Variants in PXDC1 observed in about 807,000 individuals in gnomAD.
PXDC1 encodes PX domain-containing protein 1.
Under a neutral mutation model 24.4 loss-of-function variants are expected in PXDC1, and 13 were observed. The ratio of observed to expected loss-of-function variants is 0.53; its 90% CI spans 0.35 to 0.85. The LOEUF is 0.85. Ranked by LOEUF, PXDC1 falls within the 40% of genes least tolerant of loss-of-function variation. The pLI, the probability that PXDC1 is intolerant of heterozygous loss-of-function variation, is 0.01. For synonymous variants in PXDC1, 162 were observed against 124.9 expected (o/e 1.30, Z -1.98); for missense variants, 344 against 309.3 (o/e 1.11, Z -0.84).
chr6:3,743,367 C>A (rs1760491752), intron 1 of PXDC1, among the ~76,000 whole-genome samples: 1 of 152,098 alleles, frequency 6.6e-6, no homozygotes, highest in South Asian at 2.1e-4. Context: ...CAAACTGAGT[C>A]AAACCATAAA....
At chr6:3,726,599 G>A (rs61589785) in intron 4 of PXDC1, among the ~76,000 whole-genome samples, 1,996 of 152,346 alleles carry the variant, frequency 0.013, 53 homozygotes, top group African/African-American at 0.046. Context: ...GGCCCAGGCC[G>A]CCGGCTGGGG....
rs1760419048 is a variant in PXDC1 at position 3,740,031 on chromosome 6, T to C, written c.257-1883A>G. 2.0e-5 allele frequency among the ~76,000 whole-genome samples: 3 copies of C among 152,234 alleles called. No homozygotes were observed. The South Asian group carries it at 6.2e-4, about 31-fold the overall frequency. On this transcript the variant is annotated intron_variant, in intron 1 of 4. Coordinates refer to ENST00000380283, the MANE Select transcript of PXDC1 (RefSeq NM_183373.4). The stretch of plus-strand genomic sequence containing the variant: ...ACTACTGTTATATTTCAACTTTCAT[T>C]ACAGCTAGAATACTAGCTTCCAGTT...
chr6:3,741,452 G>A (rs1316039104), intron 1 of PXDC1, among the ~76,000 whole-genome samples: 11 of 152,210 alleles, frequency 7.2e-5, no homozygotes, highest in Non-Finnish European at 1.3e-4. Context: ...TTAAGGGCAC[G>A]TCCATTATTG....
intron 1 of PXDC1, among the ~76,000 whole-genome samples, chr6:3,740,341 G>A (rs1292846438): frequency 1.3e-5 from 2 of 152,170 alleles, no homozygotes; most frequent in Non-Finnish European, 2.9e-5. Context: ...TTTTAGTATG[G>A]CCAAACTTGG....
At position 3,737,922 on chromosome 6, in the gene PXDC1, A is replaced by G; in HGVS notation, c.348+135T>C. On this transcript the variant is annotated intron_variant, in intron 2 of 4. Coordinates refer to ENST00000380283, the MANE Select transcript of PXDC1 (RefSeq NM_183373.4). The surrounding 1 kb of genome is among the most constrained non-coding windows in gnomAD (Gnocchi z 5.5). ...CACTCCGTCCCTATCGCCTGGTACT[A>G]CCAGGGAGGGAACAAAACGGCTAAG... 1 of 785,562 alleles carries G rather than the reference A, an allele frequency of 1.3e-6. No individual in the cohort carries two copies. The allele number at this position is 785,562 out of a possible 1,614,324, so 48.7% of individuals were successfully genotyped here. A position where few individuals can be genotyped will look rare whatever the true frequency, so the allele number is the denominator to read the frequency against.
chr6:3,726,666 G>C (rs567298992), intron 4 of PXDC1, among the ~76,000 whole-genome samples: 1 of 152,200 alleles, frequency 6.6e-6, no homozygotes, highest in African/African-American at 2.4e-5. Flanking sequence ...TGTGGGCCTC[G>C]GCACATGTGG....
rs1760015356 is a variant in PXDC1, at chr6:3,724,599, C to T, written c.579-863G>A. Among the ~76,000 whole-genome samples the T allele has an allele frequency of 6.6e-6, 1 of 152,164 alleles. No homozygotes were observed. The highest frequency in any genetic ancestry group is 2.1e-4 in the South Asian group (1 of 4,832). ...GAATCAGCCCAAACCCAGCAGGCCG[C>T]GTGGGAGTGTGGACAGAGGCAAGCA... On this transcript the variant is annotated intron_variant, in intron 4 of 4. Transcript: ENST00000380283. The surrounding 1 kb of genome is among the most constrained non-coding windows in gnomAD (Gnocchi z 4.5).
rs147813880 is a variant in PXDC1 at position 3,743,428 on chromosome 6, C to T, written c.257-5280G>A. On this transcript the variant is annotated intron_variant, in intron 1 of 4. Coordinates refer to ENST00000380283, the MANE Select transcript of PXDC1 (RefSeq NM_183373.4). Reference sequence around the variant, plus strand: ...TTTAACAAATGTGCCCATCAGCACACTACACAGATGCAGAGGTGAAGGGGG... The same window carrying T: ...TTTAACAAATGTGCCCATCAGCACATTACACAGATGCAGAGGTGAAGGGGG... Among the ~76,000 whole-genome samples, 330 of 152,122 alleles carry T rather than the reference C, an allele frequency of 2.2e-3. 7 individuals are homozygous for T. Among genetic ancestry groups the T allele is most frequent in the Admixed American group, 0.014 (210 of 15,276 alleles).
intron 3 of PXDC1, among the ~76,000 whole-genome samples, chr6:3,730,701 C>A (rs1760175974): frequency 6.6e-6 from 1 of 152,216 alleles, no homozygotes; most frequent in Admixed American, 6.5e-5. Context: ...AGACCATGAA[C>A]TTGTACCTTC....
chr6:3,743,045 G>C (rs928719242), intron 1 of PXDC1, among the ~76,000 whole-genome samples: 2 of 152,216 alleles, frequency 1.3e-5, no homozygotes, highest in Non-Finnish European at 2.9e-5. Flanking sequence ...AACAAACACC[G>C]CTTCCGGATC....
chr6:3,729,521 C>T (rs933936524), intron 3 of PXDC1, among the ~76,000 whole-genome samples: 5 of 152,238 alleles, frequency 3.3e-5, no homozygotes, highest in African/African-American at 4.8e-5. Context: ...AGGAGCTCTG[C>T]GAAGCAAAGA....
At chr6:3,736,328 G>A (rs939658415) in intron 3 of PXDC1, among the ~76,000 whole-genome samples, 1 of 152,100 alleles carries the variant, frequency 6.6e-6, no homozygotes, top group Non-Finnish European at 1.5e-5. Context: ...TCATGGAGGT[G>A]CTCTCCTCTG....
At chr6:3,742,676 A>G (rs758177463) in intron 1 of PXDC1, among the ~76,000 whole-genome samples, 1 of 152,350 alleles carries the variant, frequency 6.6e-6, no homozygotes, top group South Asian at 2.1e-4. Flanking sequence ...TTTCTGATAA[A>G]TAATCACTAA....
intron 4 of PXDC1, among the ~76,000 whole-genome samples, chr6:3,726,667 G>A (rs1386407524): frequency 1.3e-5 from 2 of 152,242 alleles, no homozygotes; most frequent in African/African-American, 4.8e-5. Context: ...GTGGGCCTCG[G>A]CACATGTGGC....
At chr6:3,747,612 G>A (rs1276984059) in intron 1 of PXDC1, among the ~76,000 whole-genome samples, 4 of 151,990 alleles carry the variant, frequency 2.6e-5, no homozygotes, top group South Asian at 2.1e-4. Context: ...CATGATCCCC[G>A]CTTTCCTTCA....
chr6:3,730,327 T>G (rs2127598457), intron 3 of PXDC1, among the ~76,000 whole-genome samples: 1 of 152,080 alleles, frequency 6.6e-6, no homozygotes, highest in Middle Eastern at 3.4e-3. Flanking sequence ...CCAACACGGG[T>G]TCAGAAAGGG....
In PXDC1 at chr6:3,751,420, ACTC is replaced by A. The variant is rs1383567847; in HGVS notation, c.109_111del (p.Glu37del). ...GACCACTCCGTGCGGATCTCGAAGA[ACTC>A]CTCTTCGTCGCCGCGCCGGCTGACG... On this transcript the variant is annotated inframe_deletion, in exon 1 of 5. Transcript: ENST00000380283. 32 of 1,583,078 alleles carry A rather than the reference ACTC, an allele frequency of 2.0e-5. No individual in the cohort carries two copies. Among genetic ancestry groups the A allele is most frequent in the African/African-American group, 2.7e-5 (2 of 73,838 alleles).
intron 1 of PXDC1, chr6:3,739,162 C>T: frequency 9.0e-7 from 1 of 1,108,070 alleles, no homozygotes; most frequent in Non-Finnish European, 1.1e-6. Flanking sequence ...TTGAATAGGT[C>T]TATAAGAGAG....
chr6:3,751,390 G>A lies in PXDC1; in HGVS notation c.142C>T (p.Arg48Cys), dbSNP rs1378089573. Residue 48 changes from arginine to cysteine, a missense_variant, in exon 1 of 5, where the codon CGC (arginine) becomes TGC (cysteine). By Grantham distance (180) the Arg-to-Cys change is radical. Transcript: ENST00000380283. ...CTGCGGTGCAGGTAGAGCACGCTGC[G>A]GTCCGACCACTCCGTGCGGATCTCG... ...FFEIRTEWSD[R>C]SVLYLHRSLA... 1.3e-6 allele frequency: 2 copies of A among 1,569,872 alleles called. No homozygotes were observed. The highest frequency in any genetic ancestry group is 1.7e-4 in the Middle Eastern group (1 of 6,016).
Sources: gnomAD v4.1 joint callset for allele counts (sites outside exome capture counted in the v4.1 genomes callset) on GRCh38, gnomAD v4.1.1 for gene constraint, Gnocchi (gnomAD v3.1) non-coding constraint, MANE v1.5 for transcripts, NCBI Gene and HGNC (gene_info 2026-07-23, HGNC 2026-07-21) for gene names.